The following PMEPA1 variants were observed in gnomAD, a reference collection of about 807,000 sequenced individuals.
PMEPA1 encodes the protein protein TMEPAI.
A neutral mutation model predicts 23.0 loss-of-function variants in PMEPA1; 11 were observed. The ratio of observed to expected loss-of-function variants is 0.48; its 90% confidence interval spans 0.30 to 0.79. PMEPA1 has a LOEUF of 0.79. Ranked by LOEUF, PMEPA1 falls within the 30% of genes least tolerant of loss-of-function variation. The pLI, the probability that PMEPA1 is intolerant of heterozygous loss-of-function variation, is 0.06. For synonymous variants in PMEPA1, 204 were observed against 166.4 expected (o/e 1.23, Z -1.74); for missense variants, 377 against 390.9 (o/e 0.96, Z 0.30).
chr20:57,699,779 G>C (rs889419395), intron 1 of PMEPA1, among the ~76,000 whole-genome samples: 10 of 152,186 alleles, frequency 6.6e-5, no homozygotes, highest in African/African-American at 2.4e-4. Flanking sequence ...ACCTGCCTGG[G>C]GGAACCCGGG....
chr20:57,672,066 C>G (rs770956587), intron 1 of PMEPA1, among the ~76,000 whole-genome samples: 5 of 152,238 alleles, frequency 3.3e-5, no homozygotes, highest in Non-Finnish European at 5.9e-5. Flanking sequence ...TTAAATTGTT[C>G]ATGATGACTT....
rs1424545559 is a variant in PMEPA1 at position 57,658,861 on chromosome 20, G to C, written c.264+682C>G. Reference sequence around the variant, plus strand: ...TCTGGGTCAGGGCTGCAGGACTGCAGGCACCTTTCCCACCACTACCCCGGT... The same window carrying C: ...TCTGGGTCAGGGCTGCAGGACTGCACGCACCTTTCCCACCACTACCCCGGT... On this transcript the variant is annotated intron_variant, in intron 2 of 3. Coordinates refer to ENST00000341744, the MANE Select transcript of PMEPA1 (RefSeq NM_020182.5). 2.6e-5 allele frequency among the ~76,000 whole-genome samples: 4 copies of C among 152,218 alleles called. No individual in the cohort carries two copies. The East Asian group carries it at 7.7e-4, about 29-fold the overall frequency.
At position 57,683,554 on chromosome 20, in the gene PMEPA1, C is replaced by CGTGTGCGTGTGTGT. The variant is rs2071752594; in HGVS notation, c.110-23858_110-23857insACACACACGCACAC. On this transcript the variant is annotated intron_variant, in intron 1 of 3. Coordinates refer to ENST00000341744, the MANE Select transcript of PMEPA1 (RefSeq NM_020182.5). The surrounding 1 kb of genome is among the most constrained non-coding windows in gnomAD (Gnocchi z 4.3). ...CGGTGGTGGTGTTCTGGCCTGTGTG[C>CGTGTGCGTGTGTGT]GTGTGTGTGTGTGTGTGTGTGTGTG... Among the ~76,000 whole-genome samples, 3 of 106,426 alleles carry CGTGTGCGTGTGTGT rather than the reference C, an allele frequency of 2.8e-5. No homozygotes were observed. The highest frequency in any genetic ancestry group is 2.8e-4 in the South Asian group (1 of 3,620). The allele number at this position is 106,426 out of a possible 152,430, so 69.8% of individuals were successfully genotyped here. A position where few individuals can be genotyped will look rare whatever the true frequency, so the allele number is the denominator to read the frequency against.
chr20:57,672,643 C>A (rs1872653038), intron 1 of PMEPA1, among the ~76,000 whole-genome samples: 1 of 152,214 alleles, frequency 6.6e-6, no homozygotes, highest in Non-Finnish European at 1.5e-5. Flanking sequence ...TATTCTCGGT[C>A]TCCCCTGGGG....
intron 1 of PMEPA1, among the ~76,000 whole-genome samples, chr20:57,678,320 A>G (rs569338346): frequency 2.0e-5 from 3 of 152,256 alleles, no homozygotes; most frequent in Non-Finnish European, 2.9e-5. Context: ...ACCTCTCTGT[A>G]TTATTTTTTA....
intron 1 of PMEPA1, among the ~76,000 whole-genome samples, chr20:57,687,718 G>A (rs1173527353): frequency 6.6e-6 from 1 of 152,194 alleles, no homozygotes; most frequent in African/African-American, 2.4e-5. Flanking sequence ...GGGCATTTGG[G>A]GAGCAACTGA....
intron 1 of PMEPA1, among the ~76,000 whole-genome samples, chr20:57,707,973 C>T (rs77318126): frequency 2.6e-3 from 403 of 152,376 alleles, no homozygotes; most frequent in African/African-American, 9.3e-3. Flanking sequence ...CTCCTGGCAC[C>T]TCGCTAGTCT....
intron 1 of PMEPA1, among the ~76,000 whole-genome samples, chr20:57,677,994 TAAC>T (rs1160654562): frequency 6.6e-6 from 1 of 152,228 alleles, no homozygotes. Context: ...ATGCTTAAAA[TAAC>T]AATATTATAG....
rs969677854 is a variant in PMEPA1 at position 57,649,234 on chromosome 20, C to A, written c.*2819G>T. ...AAAAGAGGGCCTCCTCAGGAGCAGT[C>A]CAAGAGTTTTCAAAGATAACGTGAC... On this transcript the variant is annotated 3_prime_UTR_variant, in exon 4 of 4. Coordinates refer to ENST00000341744, the MANE Select transcript of PMEPA1 (RefSeq NM_020182.5). 1 of 152,184 alleles carries A rather than the reference C, an allele frequency of 6.6e-6. No individual in the cohort carries two copies. The highest frequency in any genetic ancestry group is 2.4e-5 in the African/African-American group (1 of 41,432). The allele number at this position is 152,184 out of a possible 1,614,324, so 9.4% of individuals were successfully genotyped here. A position where few individuals can be genotyped will look rare whatever the true frequency, so the allele number is the denominator to read the frequency against.
At chr20:57,709,126 T>G (rs1026047774) in intron 1 of PMEPA1, among the ~76,000 whole-genome samples, 1 of 151,710 alleles carries the variant, frequency 6.6e-6, no homozygotes, top group East Asian at 1.9e-4. Flanking sequence ...CCGGCCTAAA[T>G]GCTCCATCGC....
chr20:57,690,736 A>C, intron 1 of PMEPA1: 4 of 360,090 alleles, frequency 1.1e-5, no homozygotes, highest in South Asian at 3.2e-5. Context: ...CGCCCAGCCG[A>C]CCCCCACCTG....
chr20:57,705,830 T>C lies in PMEPA1; in HGVS notation c.109+3644A>G, dbSNP rs112346672. ...AACCTGGGAGAGGGGTGCTGGTATC[T>C]AGTGGGTGTGGGAGAGGGGTGCTGG... On this transcript the variant is annotated intron_variant, in intron 1 of 3. Coordinates refer to ENST00000341744, the MANE Select transcript of PMEPA1 (RefSeq NM_020182.5). 6.0e-3 allele frequency among the ~76,000 whole-genome samples: 920 copies of C among 152,242 alleles called. 6 individuals carry two copies. Among genetic ancestry groups the C allele is most frequent in the African/African-American group, 0.021 (860 of 41,532 alleles).
At chr20:57,685,725 T>C (rs1434204866) in intron 1 of PMEPA1, among the ~76,000 whole-genome samples, 7 of 152,134 alleles carry the variant, frequency 4.6e-5, no homozygotes, top group Non-Finnish European at 8.8e-5. Context: ...GCTCTTCTTG[T>C]TCTGGGAAGG....
chr20:57,696,778 T>C (rs1318665002), intron 1 of PMEPA1, among the ~76,000 whole-genome samples: 1 of 152,166 alleles, frequency 6.6e-6, no homozygotes, highest in Non-Finnish European at 1.5e-5. Flanking sequence ...TCATTCTCAC[T>C]AGAGTGAAAG....
At chr20:57,702,818 T>C (rs561262410) in intron 1 of PMEPA1, among the ~76,000 whole-genome samples, 1 of 152,288 alleles carries the variant, frequency 6.6e-6, no homozygotes, top group Non-Finnish European at 1.5e-5. Context: ...ACCTGGCACA[T>C]AATAATCTCT....
At chr20:57,687,489 C>T (rs760143586) in intron 1 of PMEPA1, among the ~76,000 whole-genome samples, 25 of 152,198 alleles carry the variant, frequency 1.6e-4, no homozygotes, top group Non-Finnish European at 2.9e-4. Flanking sequence ...CTGGCAACCA[C>T]GACTGACATT....
chr20:57,680,042 T>C (rs1398851685), intron 1 of PMEPA1, among the ~76,000 whole-genome samples: 2 of 152,194 alleles, frequency 1.3e-5, no homozygotes, highest in African/African-American at 4.8e-5. Flanking sequence ...CTTGACCATC[T>C]TTGCAAGGTG....
At position 57,652,677 on chromosome 20, in the gene PMEPA1, C is replaced by T. The variant is rs764330697; in HGVS notation, c.319-79G>A. The T allele has an allele frequency of 2.1e-5, 25 of 1,210,928 alleles. No individual in the cohort carries two copies. Among genetic ancestry groups the T allele is most frequent in the Non-Finnish European group, 2.8e-5 (25 of 893,542 alleles). The allele number at this position is 1,210,928 out of a possible 1,614,324, so 75.0% of individuals were successfully genotyped here. A position where few individuals can be genotyped will look rare whatever the true frequency, so the allele number is the denominator to read the frequency against. On this transcript the variant is annotated intron_variant, in intron 3 of 3. Coordinates refer to ENST00000341744, the MANE Select transcript of PMEPA1 (RefSeq NM_020182.5). The surrounding 1 kb of genome is among the most constrained non-coding windows in gnomAD (Gnocchi z 6.1). ...CAGAAGCGATCCTGAGACTGGAGTT[C>T]TGCTGCATGGGACTTGGCTCTCTGG...
chr20:57,668,200 C>A (rs203394), intron 1 of PMEPA1, among the ~76,000 whole-genome samples: 122,574 of 152,120 alleles, frequency 0.81, 50,207 homozygotes, highest in African/African-American at 0.93. Context: ...CGTGGTCAGC[C>A]AGGGTGGGGA....
Sources: allele counts gnomAD v4.1 joint callset (sites outside exome capture counted in the v4.1 genomes callset), GRCh38; gene constraint gnomAD v4.1.1; non-coding constraint Gnocchi (gnomAD v3.1); transcripts MANE v1.5; gene names NCBI Gene and HGNC (gene_info 2026-07-23, HGNC 2026-07-21).